NEK11: variants seen among roughly 807,000 people sequenced by gnomAD.
NEK11 encodes serine/threonine-protein kinase Nek11.
NEK11 carries 72 observed loss-of-function variants against 80.7 expected under a neutral mutation model. The ratio of observed to expected loss-of-function variants is 0.89; its 90% CI spans 0.74 to 1.08. The LOEUF (loss-of-function observed/expected upper bound fraction) is 1.08, where lower values mean the gene tolerates loss of function less well. NEK11 is among the 50% of genes least tolerant of loss of function. NEK11 has a pLI of 0.00. For missense variants in NEK11, 764 were observed against 763.6 expected, an observed-to-expected ratio of 1.00 and a Z score of -0.01; for synonymous variants, 251 against 260.7, an observed-to-expected ratio of 0.96 and a Z score of 0.36.
intron 16 of NEK11, among the ~76,000 whole-genome samples, chr3:131,270,969 T>C (rs2096173288): frequency 6.6e-6 from 1 of 152,198 alleles, no homozygotes; most frequent in Non-Finnish European, 1.5e-5. Flanking sequence ...ACTTTTTAGG[T>C]TCTAGGAAAG....
intron 5 of NEK11, among the ~76,000 whole-genome samples, chr3:131,122,669 TTCATA>T (rs10539768): frequency 0.18 from 27,931 of 152,058 alleles, 2,631 homozygotes; most frequent in Middle Eastern, 0.22. Flanking sequence ...CAGGGAGGGT[TTCATA>T]TCATAAACTG....
intron 16 of NEK11, among the ~76,000 whole-genome samples, chr3:131,266,493 A>G (rs1209756249): frequency 1.3e-5 from 2 of 152,186 alleles, no homozygotes; most frequent in Non-Finnish European, 2.9e-5. Flanking sequence ...CAGCTTGTTC[A>G]GTTTCCATGT....
At chr3:131,310,681 T>C (rs2096773309) in intron 17 of NEK11, among the ~76,000 whole-genome samples, 1 of 152,216 alleles carries the variant, frequency 6.6e-6, no homozygotes, top group Non-Finnish European at 1.5e-5. Context: ...GAGATGTGTT[T>C]CTTGGCTGCT....
rs146080996 is a variant in NEK11 at position 131,243,465 on chromosome 3, T to C, written c.1590T>C (p.Cys530=). ...GTGATATCGAAGCGTTGGCCAGGTGTTTGGAAAATGTCCTGGGTTGCACTT... is the reference window on the plus strand; with the variant it reads ...GTGATATCGAAGCGTTGGCCAGGTGCTTGGAAAATGTCCTGGGTTGCACTT... ...QDSDIEALAR[C]LENVLGCTSL... The change falls in exon 16 of 18, where the codon TGT becomes TGC. Residue 530 remains cysteine, a synonymous_variant. Transcript: ENST00000383366. 1 of 1,612,998 alleles carries C rather than the reference T, an allele frequency of 6.2e-7. No individual in the cohort carries two copies. The highest frequency in any genetic ancestry group is 8.5e-7 in the Non-Finnish European group (1 of 1,179,370).
chr3:131,211,750 T>G (rs2094624380), intron 14 of NEK11, among the ~76,000 whole-genome samples: 1 of 152,200 alleles, frequency 6.6e-6, no homozygotes, highest in Non-Finnish European at 1.5e-5. Flanking sequence ...TCTCTTCCAC[T>G]TGATGGAATC....
intron 17 of NEK11, among the ~76,000 whole-genome samples, chr3:131,349,267 G>A (rs2097417728): frequency 1.3e-5 from 2 of 151,940 alleles, no homozygotes; most frequent in Non-Finnish European, 2.9e-5. Flanking sequence ...ACATCTGTGT[G>A]TATATCTGTG....
At chr3:131,347,008 A>C (rs148666196) in intron 17 of NEK11, among the ~76,000 whole-genome samples, 2 of 152,258 alleles carry the variant, frequency 1.3e-5, no homozygotes, top group African/African-American at 4.8e-5. Flanking sequence ...TCACTGAAGT[A>C]ATCAGTGTAT....
intron 7 of NEK11, among the ~76,000 whole-genome samples, chr3:131,137,157 G>A (rs2085756401): frequency 6.6e-6 from 1 of 152,072 alleles, no homozygotes; most frequent in South Asian, 2.1e-4. Context: ...GGTTGGGTGG[G>A]GGACAGAGAA....
intron 17 of NEK11, among the ~76,000 whole-genome samples, chr3:131,300,087 G>A (rs2096644586): frequency 6.6e-6 from 1 of 152,102 alleles, no homozygotes; most frequent in Non-Finnish European, 1.5e-5. Flanking sequence ...GGTGGGAAAT[G>A]GTATCTCATT....
chr3:131,168,418 G>A (rs1012578649), intron 12 of NEK11, among the ~76,000 whole-genome samples: 5 of 149,318 alleles, frequency 3.3e-5, no homozygotes, highest in African/African-American at 4.9e-5. Context: ...GTGCAGTGGC[G>A]GGATCTCGGC....
chr3:131,030,560 C>A (rs1465357038), intron 3 of NEK11, among the ~76,000 whole-genome samples: 1 of 152,188 alleles, frequency 6.6e-6, no homozygotes, highest in African/African-American at 2.4e-5. Context: ...CAATTATTCA[C>A]ATTTGAGATG....
rs545383634 is a variant in NEK11, at chr3:131,063,318, T to C, written c.171-17105T>C. On this transcript the variant is annotated intron_variant, in intron 3 of 17. Coordinates refer to ENST00000383366, the MANE Select transcript of NEK11 (RefSeq NM_024800.5). ...AGGATTACAGTTGTGAGCCACTGCATCTAGCCTGAATGGAGCTTTTACGTC... is the reference window on the plus strand; with the variant it reads ...AGGATTACAGTTGTGAGCCACTGCACCTAGCCTGAATGGAGCTTTTACGTC... Among the ~76,000 whole-genome samples the C allele has an allele frequency of 5.3e-5, 8 of 152,324 alleles. No homozygotes were observed. In the East Asian group the frequency reaches 1.5e-3, roughly 29 times the overall value.
chr3:131,190,211 C>T (rs900647561), intron 14 of NEK11, among the ~76,000 whole-genome samples: 6 of 152,266 alleles, frequency 3.9e-5, no homozygotes, highest in African/African-American at 7.2e-5. Flanking sequence ...AACTACTGTT[C>T]GAGCACTCAC....
chr3:131,178,993 G>C (rs1364127553), intron 14 of NEK11, among the ~76,000 whole-genome samples: 1 of 152,138 alleles, frequency 6.6e-6, no homozygotes, highest in Non-Finnish European at 1.5e-5. Context: ...TCAGTTGTTG[G>C]CAGTGTGATA....
At chr3:131,332,323 C>G (rs1432229639) in intron 17 of NEK11, among the ~76,000 whole-genome samples, 13 of 152,350 alleles carry the variant, frequency 8.5e-5, no homozygotes, top group Admixed American at 7.8e-4. Context: ...ATCCGCTGTT[C>G]TGCAGCCACC....
chr3:131,117,590 A>T (rs537784413), intron 5 of NEK11, among the ~76,000 whole-genome samples: 1 of 152,230 alleles, frequency 6.6e-6, no homozygotes, highest in African/African-American at 2.4e-5. Flanking sequence ...CACGATATTG[A>T]TTCTTCCTAC....
chr3:131,145,533 G>T (rs2087994881), intron 7 of NEK11, among the ~76,000 whole-genome samples: 2 of 152,090 alleles, frequency 1.3e-5, no homozygotes, highest in Non-Finnish European at 2.9e-5. Context: ...TGTTGTCTAA[G>T]GCCCCAGTGA....
intron 17 of NEK11, among the ~76,000 whole-genome samples, chr3:131,296,160 C>T (rs1049717286): frequency 5.3e-5 from 8 of 152,078 alleles, no homozygotes; most frequent in Admixed American, 2.6e-4. Flanking sequence ...TTTCAAACAA[C>T]ATTATACCAC....
chr3:131,160,886 T>C (rs570265528), intron 10 of NEK11, among the ~76,000 whole-genome samples: 1 of 152,286 alleles, frequency 6.6e-6, no homozygotes, highest in East Asian at 1.9e-4. Context: ...ATCCGAAATA[T>C]ACATGCACCC....
Sources: gnomAD v4.1 joint callset for allele counts (sites outside exome capture counted in the v4.1 genomes callset) on GRCh38, gnomAD v4.1.1 for gene constraint, MANE v1.5 for transcripts, NCBI Gene and HGNC (gene_info 2026-07-23, HGNC 2026-07-21) for gene names.